Variants in SEPSECS observed in about 807,000 individuals in gnomAD.
The protein encoded by SEPSECS is O-phosphoseryl-tRNA(Sec) selenium transferase.
A neutral mutation model predicts 52.1 loss-of-function variants in SEPSECS; 42 were observed. The ratio of observed to expected loss-of-function variants is 0.81; its 90% confidence interval spans 0.63 to 1.04. The LOEUF (loss-of-function observed/expected upper bound fraction) is 1.04. SEPSECS is among the 50% of genes least tolerant of loss of function. SEPSECS has a pLI of 0.00. For synonymous variants in SEPSECS, 216 were observed against 211.4 expected (o/e 1.02, Z -0.19); for missense variants, 590 against 610.6 (o/e 0.97, Z 0.36).
At chr4:25,144,928 T>G in intron 7 of SEPSECS, 63 bp from the exon 8 acceptor site, 1 of 1,598,606 alleles carries the variant, frequency 6.3e-7, no homozygotes, top group South Asian at 1.1e-5. Flanking sequence ...GAAATTAAGA[T>G]TTACTACAAT....
In SEPSECS at chr4:25,160,327, G is replaced by C; in HGVS notation, c.43C>G (p.Pro15Ala). The part of the protein sequence containing the change: ...SFAAGERLVS[P>A]AYVRQGCEAR... The stretch of plus-strand genomic sequence containing the variant: ...TCACAGCCCTGCCGCACGTAAGCCG[G>C]CGACACCAGCCGCTCTCCCGCCGCG... The change falls in exon 1 of 11, where the codon CCG (proline) becomes GCG (alanine). Residue 15 changes from proline (P) to alanine (A), a missense_variant. By Grantham distance (27) the Pro-to-Ala change is conservative. Coordinates refer to ENST00000382103, the MANE Select transcript of SEPSECS (RefSeq NM_016955.4). 2.6e-6 allele frequency: 4 copies of C among 1,548,824 alleles called. No homozygotes were observed. Among genetic ancestry groups the C allele is most frequent in the Non-Finnish European group, 3.5e-6 (4 of 1,145,984 alleles).
chr4:25,126,630 G>A (rs1728384424), intron 9 of SEPSECS, among the ~76,000 whole-genome samples: 1 of 152,074 alleles, frequency 6.6e-6, no homozygotes, highest in Admixed American at 6.6e-5. Flanking sequence ...TCACATTATT[G>A]TTTTTAGTAG....
intron 10 of SEPSECS, among the ~76,000 whole-genome samples, chr4:25,124,519 T>G (rs1275080522): frequency 6.6e-6 from 1 of 152,166 alleles, no homozygotes; most frequent in East Asian, 1.9e-4. Flanking sequence ...TATCTTTTTC[T>G]CTTTACCTGA....
chr4:25,156,272 C>T, intron 3 of SEPSECS, 77 bp from the exon 4 acceptor site: 1 of 1,316,942 alleles, frequency 7.6e-7, no homozygotes, highest in African/African-American at 1.5e-5. Context: ...TAATATATTT[C>T]ATATATAAAA....
In SEPSECS at chr4:25,121,836, G is replaced by A. The variant is rs1728138720; in HGVS notation, c.*2095C>T. 6.6e-6 allele frequency: 1 copy of A among 152,170 alleles called. No homozygotes were observed. Among genetic ancestry groups the A allele is most frequent in the African/African-American group, 2.4e-5 (1 of 41,454 alleles). The allele number at this position is 152,170 out of a possible 1,614,324, so 9.4% of individuals were successfully genotyped here. On this transcript the variant is annotated 3_prime_UTR_variant, in exon 11 of 11. Coordinates refer to ENST00000382103, the MANE Select transcript of SEPSECS (RefSeq NM_016955.4). Reference sequence around the variant, plus strand: ...AATTAGAATTATTATCTATTCAGCAGCTGAAGCCCAAGAACTGCTGATACA... The same window carrying A: ...AATTAGAATTATTATCTATTCAGCAACTGAAGCCCAAGAACTGCTGATACA...
intron 8 of SEPSECS, among the ~76,000 whole-genome samples, chr4:25,133,082 A>G (rs1257429504): frequency 1.3e-5 from 2 of 152,182 alleles, no homozygotes; most frequent in East Asian, 3.9e-4. Context: ...TACAGCAGAG[A>G]CATTCATAAA....
chr4:25,145,726 C>CA (rs1432712931), intron 6 of SEPSECS, among the ~76,000 whole-genome samples: 2 of 152,144 alleles, frequency 1.3e-5, no homozygotes, highest in Admixed American at 1.3e-4. Flanking sequence ...CGAGGGTGGC[C>CA]ACCATAACCT....
At chr4:25,138,255 T>C (rs1183416041) in intron 8 of SEPSECS, among the ~76,000 whole-genome samples, 1 of 152,190 alleles carries the variant, frequency 6.6e-6, no homozygotes, top group East Asian at 1.9e-4. Flanking sequence ...ACTATCTATA[T>C]AATAAAGTAT....
Position 25,125,740 on chromosome 4 carries a change from T to C in SEPSECS, c.1165A>G (p.Thr389Ala). The change falls in exon 10 of 11, where the codon ACT becomes GCT. Residue 389 changes from threonine (T) to alanine (A), a missense_variant. By Grantham distance (58) the Thr-to-Ala change is moderately conservative. Transcript: ENST00000382103. ...GTAAAAAGCATCGAGCCAAGCTGAG[T>C]GACAGCTTTGTCACGGTGTTCATCT... is the stretch of plus-strand genomic sequence containing the variant. ...TLDEHRDKAV[T>A]QLGSMLFTRQ... 6.2e-7 allele frequency: 1 copy of C among 1,613,156 alleles called. No homozygotes were observed. Among genetic ancestry groups the C allele is most frequent in the Non-Finnish European group, 8.5e-7 (1 of 1,179,482 alleles).
intron 6 of SEPSECS, among the ~76,000 whole-genome samples, chr4:25,148,704 G>C (rs1315763637): frequency 6.6e-6 from 1 of 152,134 alleles, no homozygotes; most frequent in Non-Finnish European, 1.5e-5. Context: ...AAAATACCTA[G>C]AAGAGAGTAT....
At chr4:25,155,817 A>G (rs1712589617) in intron 4 of SEPSECS, among the ~76,000 whole-genome samples, 1 of 152,234 alleles carries the variant, frequency 6.6e-6, no homozygotes, top group Non-Finnish European at 1.5e-5. Flanking sequence ...CCCCCAACAA[A>G]TAATAATTAT....
At position 25,152,000 on chromosome 4, in the gene SEPSECS, T is replaced by C; in HGVS notation, c.764A>G (p.Tyr255Cys). 6.2e-7 allele frequency: 1 copy of C among 1,602,670 alleles called. No individual in the cohort carries two copies. Among genetic ancestry groups the C allele is most frequent in the Non-Finnish European group, 8.5e-7 (1 of 1,169,766 alleles). Residue 255 changes from tyrosine to cysteine, a missense_variant, in exon 6 of 11, where the codon TAT becomes TGT. Transcript: ENST00000382103. ...CATACACTTTGAAGACTGCACTCCATAAGCATTATTAACTATATGTGGAAT... is the reference window on the plus strand; with the variant it reads ...CATACACTTTGAAGACTGCACTCCACAAGCATTATTAACTATATGTGGAAT... ...YDIPHIVNNA[Y>C]GVQSSKCMHL...
chr4:25,125,452 G>A (rs1728319491), intron 10 of SEPSECS: 3 of 510,026 alleles, frequency 5.9e-6, no homozygotes, highest in East Asian at 6.5e-5. Flanking sequence ...TAAAACTTTG[G>A]TTCTGTACAT....
chr4:25,124,189 G>A lies in SEPSECS; in HGVS notation c.1248C>T (p.Gly416=), dbSNP rs1728262568. Residue 416 remains glycine (G), a synonymous_variant, in exon 11 of 11, where the codon GGC becomes GGT. Coordinates refer to ENST00000382103, the MANE Select transcript of SEPSECS (RefSeq NM_016955.4). The part of the protein sequence containing the change: ...VPLGSMQTVS[G]YTFRGFMSHT... ...GTGACATAAAGCCTCTGAAAGTATA[G>A]CCACTCACAGTTTGCATGGACCCAA... 3.1e-6 allele frequency: 5 copies of A among 1,613,400 alleles called. No individual in the cohort carries two copies. Among genetic ancestry groups the A allele is most frequent in the Non-Finnish European group, 4.2e-6 (5 of 1,179,670 alleles).
At chr4:25,147,038 T>C (rs1278688164) in intron 6 of SEPSECS, among the ~76,000 whole-genome samples, 1 of 152,214 alleles carries the variant, frequency 6.6e-6, no homozygotes, top group Admixed American at 6.5e-5. Context: ...ACCTTGTTCA[T>C]TATGGTTCAG....
At chr4:25,151,433 T>C (rs1197286825) in intron 6 of SEPSECS, among the ~76,000 whole-genome samples, 2 of 152,194 alleles carry the variant, frequency 1.3e-5, no homozygotes, top group East Asian at 3.9e-4. Context: ...TTGTAGGCCA[T>C]AGTTCTTATT....
intron 8 of SEPSECS, among the ~76,000 whole-genome samples, chr4:25,142,605 T>C (rs762619631): frequency 6.6e-5 from 10 of 152,224 alleles, no homozygotes; most frequent in Non-Finnish European, 1.3e-4. Context: ...CATTCAACTT[T>C]ACCTTTGCAT....
intron 6 of SEPSECS, 53 bp from the exon 7 acceptor site, chr4:25,145,186 A>G (rs1446297146): frequency 3.2e-6 from 5 of 1,577,654 alleles, no homozygotes; most frequent in Non-Finnish European, 4.3e-6. Flanking sequence ...GACAACTGCT[A>G]TTAACAAACA....
Position 25,123,875 on chromosome 4 carries a change from C to T in SEPSECS, c.*56G>A, listed in dbSNP as rs1392778716. 9.1e-6 allele frequency: 13 copies of T among 1,432,176 alleles called. No individual in the cohort carries two copies. Among genetic ancestry groups the T allele is most frequent in the Admixed American group, 3.4e-5 (2 of 59,506 alleles). 88.7% of individuals were successfully genotyped at this position (1,432,176 alleles called of 1,614,324 possible). A position where few individuals can be genotyped will look rare whatever the true frequency, so the allele number is the denominator to read the frequency against. ...TCAAGTCTTATCTTTAAACTGCTTG[C>T]TTGTACTACAGCCTTATCATTTCTT... On this transcript the variant is annotated 3_prime_UTR_variant, in exon 11 of 11. Coordinates refer to ENST00000382103, the MANE Select transcript of SEPSECS (RefSeq NM_016955.4).
Sources: gnomAD v4.1 joint callset for allele counts (sites outside exome capture counted in the v4.1 genomes callset) on GRCh38, gnomAD v4.1.1 for gene constraint, MANE v1.5 for transcripts, NCBI Gene and HGNC (gene_info 2026-07-23, HGNC 2026-07-21) for gene names.